The following PTPRA variants were observed in gnomAD, a reference collection of about 807,000 sequenced individuals.
PTPRA encodes the protein receptor-type tyrosine-protein phosphatase alpha.
A neutral mutation model predicts 104.8 loss-of-function variants in PTPRA; 25 were observed. That is an observed-to-expected ratio of 0.24 (90% confidence interval 0.17 to 0.33). The LOEUF (loss-of-function observed/expected upper bound fraction) is 0.33. PTPRA is among the 10% of genes least tolerant of loss of function. The pLI, the probability that PTPRA is intolerant of heterozygous loss-of-function variation, is 1.00. For missense variants in PTPRA, 765 were observed against 1,015.3 expected (o/e 0.75, Z 3.35); for synonymous variants, 323 against 368.9 (o/e 0.88, Z 1.43).
At chr20:2,992,286 T>C (rs891739542) in intron 9 of PTPRA, among the ~76,000 whole-genome samples, 2 of 151,494 alleles carry the variant, frequency 1.3e-5, no homozygotes, top group Non-Finnish European at 2.9e-5. Flanking sequence ...AGAGGCTGAG[T>C]TGGACAGATC....
chr20:3,036,086 A>T, intron 22 of PTPRA, 145 bp downstream of exon 22: 1 of 1,424,570 alleles, frequency 7.0e-7, no homozygotes. Context: ...ATGCCAAGAC[A>T]GGATTGGATG....
At chr20:3,014,062 A>G (rs375331987) in intron 11 of PTPRA, among the ~76,000 whole-genome samples, 1 of 152,234 alleles carries the variant, frequency 6.6e-6, no homozygotes, top group East Asian at 1.9e-4. Context: ...GTGACTCCTC[A>G]TGGAGCAGGA....
intron 20 of PTPRA, among the ~76,000 whole-genome samples, chr20:3,030,532 G>T (rs899200900): frequency 5.9e-5 from 9 of 151,950 alleles, no homozygotes; most frequent in Non-Finnish European, 1.0e-4. Context: ...TGCAATGAAA[G>T]GTGCCTACAC....
intron 5 of PTPRA, among the ~76,000 whole-genome samples, chr20:2,973,576 C>A (rs1233214101): frequency 6.6e-6 from 1 of 152,210 alleles, no homozygotes; most frequent in Non-Finnish European, 1.5e-5. Flanking sequence ...CCCTGCCATC[C>A]TAACAATATT....
chr20:2,898,414 A>G (rs2059104002), intron 1 of PTPRA, among the ~76,000 whole-genome samples: 1 of 150,252 alleles, frequency 6.7e-6, no homozygotes, highest in South Asian at 2.1e-4. Flanking sequence ...GGATTTCACC[A>G]TGTTGGTCAG....
In PTPRA at chr20:2,881,712, A is replaced by T. The variant is rs2146833148; in HGVS notation, c.-129+7952A>T. On this transcript the variant is annotated intron_variant, in intron 1 of 23. Transcript: ENST00000399903. ...TAAGTTTATTGTTCTTATAAAAGAC[A>T]AAATGGGGCCGGGTGCAGTGGCTCA... 2.0e-5 allele frequency among the ~76,000 whole-genome samples: 3 copies of T among 152,294 alleles called. No individual in the cohort carries two copies. In the South Asian group the frequency reaches 6.2e-4, roughly 32 times the overall value.
chr20:2,877,418 C>A (rs1452253801), intron 1 of PTPRA, among the ~76,000 whole-genome samples: 1 of 152,146 alleles, frequency 6.6e-6, no homozygotes, highest in African/African-American at 2.4e-5. Context: ...TGTCACTGTA[C>A]CTGGCTAATT....
intron 1 of PTPRA, among the ~76,000 whole-genome samples, chr20:2,879,074 A>G (rs1600043925): frequency 6.6e-6 from 1 of 152,248 alleles, no homozygotes; most frequent in East Asian, 1.9e-4. Context: ...GTCTGTCCTC[A>G]TGACACTTTT....
intron 2 of PTPRA, among the ~76,000 whole-genome samples, chr20:2,929,440 C>G (rs1359137941): frequency 6.6e-6 from 1 of 152,130 alleles, no homozygotes; most frequent in African/African-American, 2.4e-5. Context: ...TGTCCCATCC[C>G]TTCTTTTGAA....
chr20:2,901,734 AAG>A (rs1341819057), intron 1 of PTPRA, among the ~76,000 whole-genome samples: 1 of 152,174 alleles, frequency 6.6e-6, no homozygotes, highest in Non-Finnish European at 1.5e-5. Flanking sequence ...ACCTAAAACA[AAG>A]AGTACTTCTA....
chr20:2,875,196 C>T (rs887287145), intron 1 of PTPRA, among the ~76,000 whole-genome samples: 7 of 152,260 alleles, frequency 4.6e-5, no homozygotes, highest in Non-Finnish European at 1.0e-4. Flanking sequence ...GGAGTACATG[C>T]CCAGGACTTT....
At chr20:3,004,605 G>A (rs568676046) in intron 9 of PTPRA, among the ~76,000 whole-genome samples, 3 of 148,672 alleles carry the variant, frequency 2.0e-5, no homozygotes, top group African/African-American at 7.4e-5. Context: ...CCTAGGAAGA[G>A]ATTAAATCAG....
intron 1 of PTPRA, among the ~76,000 whole-genome samples, chr20:2,874,535 C>G (rs572272150): frequency 6.6e-6 from 1 of 152,248 alleles, no homozygotes. Flanking sequence ...AGCCTTTGCT[C>G]AGGAGAGGGA....
intron 2 of PTPRA, among the ~76,000 whole-genome samples, chr20:2,941,524 A>G (rs1425676782): frequency 6.6e-6 from 1 of 152,180 alleles, no homozygotes; most frequent in Non-Finnish European, 1.5e-5. Flanking sequence ...TGGACTGTCC[A>G]CATCCAGTGC....
chr20:3,021,970 C>T (rs948351060), intron 14 of PTPRA, 84 bp from the exon 15 acceptor site: 2 of 1,522,156 alleles, frequency 1.3e-6, no homozygotes, highest in African/African-American at 2.7e-5. Flanking sequence ...TTGTCACTGA[C>T]AACCACAGCT....
chr20:2,910,590 T>G (rs2059675936), intron 1 of PTPRA, among the ~76,000 whole-genome samples: 3 of 46,184 alleles, frequency 6.5e-5, no homozygotes, highest in South Asian at 1.3e-3. Flanking sequence ...TTTTTTTTTG[T>G]TTTTTTTTTG....
At chr20:3,034,196 GGGA>G (rs1325275996) in intron 20 of PTPRA, among the ~76,000 whole-genome samples, 1 of 152,086 alleles carries the variant, frequency 6.6e-6, no homozygotes, top group Non-Finnish European at 1.5e-5. Context: ...ACTTGAAACT[GGGA>G]GGCGGAGGCT....
chr20:3,022,699 G>A lies in PTPRA; in HGVS notation c.1339G>A (p.Gly447Arg). 6.2e-7 allele frequency: 1 copy of A among 1,614,184 alleles called. No individual in the cohort carries two copies. The highest frequency in any genetic ancestry group is 8.5e-7 in the Non-Finnish European group (1 of 1,180,028). Residue 447 changes from glycine to arginine, a missense_variant, in exon 16 of 24, where the codon GGG (glycine) becomes AGG (arginine). Transcript: ENST00000399903. This position sits in a 1 kb window ranked among gnomAD's most constrained non-coding sequence, Gnocchi z 4.6. ...GCTCTCTGGCTACAGTGCAGGTGTA[G>A]GGCGTACAGGTACCTTTGTCGTCAT... is the stretch of plus-strand genomic sequence containing the variant. ...AIVVHCSAGV[G>R]RTGTFVVIDA...
At chr20:2,905,938 G>A (rs376174683) in intron 1 of PTPRA, among the ~76,000 whole-genome samples, 5 of 151,716 alleles carry the variant, frequency 3.3e-5, no homozygotes, top group Admixed American at 2.0e-4. Flanking sequence ...CACCCGCCTC[G>A]GCCTCCCAAA....
Sources: gnomAD v4.1 joint callset for allele counts (sites outside exome capture counted in the v4.1 genomes callset) on GRCh38, gnomAD v4.1.1 for gene constraint, Gnocchi (gnomAD v3.1) non-coding constraint, MANE v1.5 for transcripts, NCBI Gene and HGNC (gene_info 2026-07-23, HGNC 2026-07-21) for gene names.